The following DENND5B variants were observed in gnomAD, a reference collection of about 807,000 sequenced individuals.
DENND5B encodes DENN domain containing 5B.
In DENND5B, 34 loss-of-function variants were observed where a neutral mutation model predicts 140.6. That is an observed-to-expected ratio of 0.24 (90% CI 0.18 to 0.32). The LOEUF (loss-of-function observed/expected upper bound fraction) is 0.32, where lower values mean the gene tolerates loss of function less well. Among genes scored for constraint, DENND5B ranks in the 10% least tolerant of loss-of-function variants. The pLI, the probability that DENND5B is intolerant of heterozygous loss-of-function variation, is 1.00. For synonymous variants in DENND5B, 551 were observed against 562.1 expected, an observed-to-expected ratio of 0.98 and a Z score of 0.28; for missense variants, 1,142 against 1,560.2, an observed-to-expected ratio of 0.73 and a Z score of 4.52.
At position 31,418,312 on chromosome 12, in the gene DENND5B, A is replaced by T. The variant is rs544317363; in HGVS notation, c.2471-2864T>A. On this transcript the variant is annotated intron_variant, in intron 11 of 20. Transcript: ENST00000389082. ...TTTTTTTTTTTTGAGATAGGGTCTC[A>T]CTCTTGTCGCCCAGGCTGGAGTGCA... Among the ~76,000 whole-genome samples, 6 of 126,468 alleles carry T rather than the reference A, an allele frequency of 4.7e-5. No individual in the cohort carries two copies. In the East Asian group the frequency reaches 1.3e-3, roughly 28 times the overall value. 83.0% of individuals were successfully genotyped at this position (126,468 alleles called of 152,430 possible).
At chr12:31,451,716 A>G (rs935635842) in intron 5 of DENND5B, 2 of 530,036 alleles carry the variant, frequency 3.8e-6, no homozygotes, top group East Asian at 3.4e-5. Flanking sequence ...CAGTTCAATG[A>G]GCTGGTTTAT....
rs71062425 is a variant in DENND5B, at chr12:31,404,759, CTTTT to C, written c.2804-2120_2804-2117del. On this transcript the variant is annotated intron_variant, in intron 14 of 20. Coordinates refer to ENST00000389082, the MANE Select transcript of DENND5B (RefSeq NM_144973.4). ...ATAAGCCACCGCGTCCGACCTCTAG[CTTTT>C]TTTTTTTTTTTTTGAGACAGAGTTT... 2.7e-5 allele frequency among the ~76,000 whole-genome samples: 2 copies of C among 74,064 alleles called. 1 individual carries two copies. The highest frequency in any genetic ancestry group is 4.9e-5 in the Non-Finnish European group (2 of 41,048). The allele number at this position is 74,064 out of a possible 152,430, so 48.6% of individuals were successfully genotyped here. A position where few individuals can be genotyped will look rare whatever the true frequency, so the allele number is the denominator to read the frequency against.
Position 31,387,760 on chromosome 12 carries a change from G to A in DENND5B, c.3668C>T (p.Pro1223Leu). Reference protein sequence around the residue: ...TRDRLLPQWIPLLAECPAITR... With the variant: ...TRDRLLPQWILLLAECPAITR... ...GATGGCAGGACACTCAGCTAACAAT[G>A]GAATCCACTGTGGGAGCAGGCGATC... is the stretch of plus-strand genomic sequence containing the variant. Residue 1223 changes from proline to leucine, a missense_variant, in exon 21 of 21, where the codon CCA (proline) becomes CTA (leucine). Coordinates refer to ENST00000389082, the MANE Select transcript of DENND5B (RefSeq NM_144973.4). The A allele has an allele frequency of 6.2e-7, 1 of 1,613,870 alleles. No individual in the cohort carries two copies. Among genetic ancestry groups the A allele is most frequent in the Non-Finnish European group, 8.5e-7 (1 of 1,179,866 alleles).
intron 1 of DENND5B, among the ~76,000 whole-genome samples, chr12:31,536,070 C>T (rs76972834): frequency 0.02 from 3,119 of 152,218 alleles, 57 homozygotes; most frequent in South Asian, 0.052. Context: ...TGCTTCTAAT[C>T]ATGTGAGACG....
chr12:31,449,138 G>A (rs1302187209), intron 5 of DENND5B, among the ~76,000 whole-genome samples: 2 of 152,100 alleles, frequency 1.3e-5, no homozygotes, highest in Middle Eastern at 3.2e-3. Flanking sequence ...ATTTTTGCAT[G>A]GCAGAAGCCA....
intron 20 of DENND5B, among the ~76,000 whole-genome samples, chr12:31,388,469 T>C (rs1190676115): frequency 6.6e-6 from 1 of 152,130 alleles, no homozygotes; most frequent in African/African-American, 2.4e-5. Flanking sequence ...AACCAGCTGT[T>C]TCAGGAAGAT....
At chr12:31,511,866 G>T (rs1163975305) in intron 1 of DENND5B, among the ~76,000 whole-genome samples, 1 of 148,454 alleles carries the variant, frequency 6.7e-6, no homozygotes, top group Non-Finnish European at 1.5e-5. Flanking sequence ...TCAAAGCCTT[G>T]ACTATATATA....
chr12:31,546,855 T>A (rs1351787061), intron 1 of DENND5B, among the ~76,000 whole-genome samples: 1 of 152,200 alleles, frequency 6.6e-6, no homozygotes, highest in Non-Finnish European at 1.5e-5. Flanking sequence ...TTTGATACAT[T>A]CGACAACCGC....
At position 31,537,632 on chromosome 12, in the gene DENND5B, C is replaced by A. The variant is rs770211726; in HGVS notation, c.128-41713G>T. Among the ~76,000 whole-genome samples the A allele has an allele frequency of 2.0e-5, 3 of 152,018 alleles. No homozygotes were observed. In the South Asian group the frequency reaches 6.2e-4, roughly 32 times the overall value. ...AAGCCCTTGCTCATCAATAACAACA[C>A]TGAATGTAAATGGACTACATTCTCC... On this transcript the variant is annotated intron_variant, in intron 1 of 20. Coordinates refer to ENST00000389082, the MANE Select transcript of DENND5B (RefSeq NM_144973.4).
At chr12:31,553,433 T>A (rs1339600050) in intron 1 of DENND5B, among the ~76,000 whole-genome samples, 1 of 152,174 alleles carries the variant, frequency 6.6e-6, no homozygotes, top group Non-Finnish European at 1.5e-5. Context: ...AGAGACAGTT[T>A]GTTATAATTT....
chr12:31,567,626 T>A (rs1308807847), intron 1 of DENND5B, among the ~76,000 whole-genome samples: 2 of 151,204 alleles, frequency 1.3e-5, no homozygotes, highest in Non-Finnish European at 2.9e-5. Flanking sequence ...GTGATATTCC[T>A]AAGGCTACAG....
At position 31,426,277 on chromosome 12, in the gene DENND5B, A is replaced by G. The variant is rs1285322226; in HGVS notation, c.2238+16T>C. 3.1e-6 allele frequency: 5 copies of G among 1,600,146 alleles called. No homozygotes were observed. The South Asian group carries it at 5.7e-5, about 18-fold the overall frequency. On this transcript the variant is annotated intron_variant, in intron 9 of 20. Transcript: ENST00000389082. ...ACATGAATGCACACTGTCTGGCATC[A>G]GTGAATAATACATACCTTCATTCTA... is the stretch of plus-strand genomic sequence containing the variant.
chr12:31,388,226 C>CTTTTTTTTTT (rs35891849), intron 20 of DENND5B, among the ~76,000 whole-genome samples: 1 of 91,480 alleles, frequency 1.1e-5, no homozygotes, highest in Non-Finnish European at 2.0e-5. Flanking sequence ...TAGGGACTTG[C>CTTTTTTTTTT]TTTTTTTTTT....
At chr12:31,509,406 G>A (rs1042388692) in intron 1 of DENND5B, among the ~76,000 whole-genome samples, 7 of 152,144 alleles carry the variant, frequency 4.6e-5, no homozygotes, top group Admixed American at 1.3e-4. Flanking sequence ...TAAGGGGAGA[G>A]ACCCATAGTT....
At chr12:31,394,750 A>C (rs186638344) in intron 17 of DENND5B, among the ~76,000 whole-genome samples, 1 of 151,862 alleles carries the variant, frequency 6.6e-6, no homozygotes, top group Non-Finnish European at 1.5e-5. Context: ...AGTAGCTGGG[A>C]CTATTGACAC....
intron 1 of DENND5B, among the ~76,000 whole-genome samples, chr12:31,572,856 G>A (rs973499843): frequency 2.0e-5 from 3 of 152,134 alleles, no homozygotes; most frequent in African/African-American, 7.2e-5. Flanking sequence ...AGCCTCTCCC[G>A]AAATATACCA....
At chr12:31,492,115 T>C (rs1040854932) in intron 2 of DENND5B, among the ~76,000 whole-genome samples, 4 of 152,284 alleles carry the variant, frequency 2.6e-5, no homozygotes, top group Non-Finnish European at 5.9e-5. Context: ...CAAATCCTTT[T>C]AGATTTGCAG....
intron 13 of DENND5B, among the ~76,000 whole-genome samples, chr12:31,411,125 C>T (rs575590182): frequency 1.3e-5 from 2 of 151,148 alleles, no homozygotes; most frequent in African/African-American, 2.4e-5. Context: ...CGCAACCTCT[C>T]GTCTCCCAGG....
chr12:31,578,321 G>C (rs1950095045), intron 1 of DENND5B, among the ~76,000 whole-genome samples: 1 of 152,194 alleles, frequency 6.6e-6, no homozygotes, highest in Middle Eastern at 3.4e-3. Flanking sequence ...CAAAAGTGTT[G>C]AGACACACAC....
Sources: gnomAD v4.1 joint callset for allele counts (sites outside exome capture counted in the v4.1 genomes callset) on GRCh38, gnomAD v4.1.1 for gene constraint, MANE v1.5 for transcripts, NCBI Gene and HGNC (gene_info 2026-07-23, HGNC 2026-07-21) for gene names.